The following DLG1 variants were observed in gnomAD, a reference collection of about 807,000 sequenced individuals.
DLG1 encodes disks large homolog 1.
DLG1 carries 42 observed loss-of-function variants against 123.4 expected under a neutral mutation model. The ratio of observed to expected loss-of-function variants is 0.34; its 90% confidence interval spans 0.27 to 0.44. The LOEUF is 0.44. DLG1 is among the 20% of genes least tolerant of loss of function. The probability of loss-of-function intolerance (pLI) is 1.00; values close to 1 mark genes in which losing one functional copy is unlikely to be tolerated. For missense variants in DLG1, 942 were observed against 1,082.6 expected (o/e 0.87, Z 1.82); for synonymous variants, 317 against 356.2 (o/e 0.89, Z 1.24).
intron 4 of DLG1, among the ~76,000 whole-genome samples, chr3:197,248,528 C>CAA (rs1339424600): frequency 1.3e-5 from 2 of 152,196 alleles, no homozygotes; most frequent in Non-Finnish European, 2.9e-5. Context: ...AAAGACTTCT[C>CAA]AGCAAGGCAA....
chr3:197,259,236 T>C (rs1758250305), intron 4 of DLG1, among the ~76,000 whole-genome samples: 1 of 152,162 alleles, frequency 6.6e-6, no homozygotes, highest in Admixed American at 6.5e-5. Context: ...AGTAAGAATA[T>C]TTCAACAAGA....
chr3:197,067,760 T>C (rs1487821701), intron 19 of DLG1, among the ~76,000 whole-genome samples: 2 of 152,126 alleles, frequency 1.3e-5, no homozygotes, highest in Admixed American at 6.5e-5. Context: ...TTTCTCCACG[T>C]TGGTCAGGCT....
At chr3:197,280,261 T>G (rs994947279) in intron 4 of DLG1, among the ~76,000 whole-genome samples, 10 of 152,176 alleles carry the variant, frequency 6.6e-5, no homozygotes, top group Admixed American at 3.3e-4. Context: ...TAATTTCACA[T>G]AATGACCTCC....
rs1377476912 is a variant in DLG1 at position 197,095,468 on chromosome 3, T to C, written c.1547-4442A>G. Among the ~76,000 whole-genome samples the C allele has an allele frequency of 2.0e-5, 3 of 152,278 alleles. No homozygotes were observed. In the South Asian group the frequency reaches 6.2e-4, roughly 32 times the overall value. ...ACTGTTGGAGATTACAAGTCAATTG[T>C]TTTGTAGAATCTCTCTCAATTTGGG... On this transcript the variant is annotated intron_variant, in intron 14 of 24. Transcript: ENST00000667157.
intron 11 of DLG1, among the ~76,000 whole-genome samples, chr3:197,126,067 A>G (rs894791134): frequency 6.6e-6 from 1 of 152,266 alleles, no homozygotes; most frequent in Non-Finnish European, 1.5e-5. Context: ...CCACATCTAC[A>G]GTTGCCTAAG....
intron 4 of DLG1, among the ~76,000 whole-genome samples, chr3:197,227,211 C>T (rs568322373): frequency 2.6e-5 from 4 of 152,182 alleles, no homozygotes; most frequent in Middle Eastern, 6.8e-3. Context: ...TACAAAACTG[C>T]CTGTAATCCC....
At chr3:197,229,676 TCTTA>T (rs1475891096) in intron 4 of DLG1, among the ~76,000 whole-genome samples, 1 of 152,322 alleles carries the variant, frequency 6.6e-6, no homozygotes, top group East Asian at 1.9e-4. Flanking sequence ...AAGTTTAACA[TCTTA>T]CTATTTCTCT....
chr3:197,298,309 G>C (rs1274164398), intron 1 of DLG1: 1 of 391,358 alleles, frequency 2.6e-6, no homozygotes, highest in African/African-American at 2.1e-5. Context: ...CATCCTAAGG[G>C]AACCTCTTCG....
chr3:197,169,304 C>T (rs1473366029), intron 5 of DLG1, among the ~76,000 whole-genome samples: 1 of 152,158 alleles, frequency 6.6e-6, no homozygotes, highest in African/African-American at 2.4e-5. Flanking sequence ...CATATGAACC[C>T]TGATTAATAC....
intron 19 of DLG1, 23 bp downstream of exon 19, chr3:197,069,196 A>G (rs1741837471): frequency 1.3e-6 from 2 of 1,552,552 alleles, no homozygotes; most frequent in Non-Finnish European, 1.7e-6. Context: ...ATTACAAAAG[A>G]ACAAGTAACT....
At chr3:197,186,942 A>C (rs1577742572) in intron 5 of DLG1, among the ~76,000 whole-genome samples, 2 of 151,860 alleles carry the variant, frequency 1.3e-5, no homozygotes, top group East Asian at 1.9e-4. Flanking sequence ...TCTAAAGTAC[A>C]AAAAAAACCC....
chr3:197,091,956 G>A (rs1008416461), intron 14 of DLG1, among the ~76,000 whole-genome samples: 4 of 151,824 alleles, frequency 2.6e-5, no homozygotes, highest in South Asian at 4.2e-4. Flanking sequence ...TTTGTTTTAC[G>A]GATAATAAGC....
chr3:197,183,829 T>C (rs1167138256), intron 5 of DLG1: 3 of 1,544,052 alleles, frequency 1.9e-6, no homozygotes, highest in South Asian at 1.2e-5. Context: ...CTGCAGGTGG[T>C]TGCCAAGCAG....
At position 197,141,008 on chromosome 3, in the gene DLG1, C is replaced by T. The variant is rs111958068; in HGVS notation, c.589-744G>A. On this transcript the variant is annotated intron_variant, in intron 7 of 24. Transcript: ENST00000667157. The stretch of plus-strand genomic sequence containing the variant: ...CTTCACAGAAAGGGTTCGACTGCTA[C>T]AAAAAGCCTTTAAAAATAATTGATT... Among the ~76,000 whole-genome samples the T allele has an allele frequency of 8.1e-3, 1,239 of 152,238 alleles. 12 individuals carry two copies. The highest frequency in any genetic ancestry group is 0.027 in the African/African-American group (1,130 of 41,544).
chr3:197,205,852 T>C (rs1728246319), intron 4 of DLG1, among the ~76,000 whole-genome samples: 1 of 152,198 alleles, frequency 6.6e-6, no homozygotes. Context: ...CTGGGGACTG[T>C]CTATATACAT....
intron 4 of DLG1, among the ~76,000 whole-genome samples, chr3:197,252,756 A>C (rs1299663390): frequency 6.6e-6 from 1 of 152,222 alleles, no homozygotes; most frequent in Non-Finnish European, 1.5e-5. Context: ...TCAGTTTTAC[A>C]AGATTAGAAC....
At chr3:197,145,108 G>A (rs1191304679) in intron 6 of DLG1, among the ~76,000 whole-genome samples, 1 of 151,940 alleles carries the variant, frequency 6.6e-6, no homozygotes, top group Admixed American at 6.6e-5. Context: ...CAGTTTAGGA[G>A]GAGTAACTTC....
rs1327548658 is a variant in DLG1 at position 197,127,354 on chromosome 3, C to T, written c.1165+3173G>A. Among the ~76,000 whole-genome samples, 6 of 133,888 alleles carry T rather than the reference C, an allele frequency of 4.5e-5. No homozygotes were observed. The East Asian group carries it at 8.9e-4, about 20-fold the overall frequency. The allele number at this position is 133,888 out of a possible 152,430, so 87.8% of individuals were successfully genotyped here. ...AGGAGGATCGCTTGAACCTGGGAGG[C>T]GGAGGTTGCAGTGAGCTGAGATTGC... On this transcript the variant is annotated intron_variant, in intron 11 of 24. Transcript: ENST00000667157.
chr3:197,152,776 A>AG (rs1247271573), intron 5 of DLG1, among the ~76,000 whole-genome samples: 1 of 150,802 alleles, frequency 6.6e-6, no homozygotes, highest in Non-Finnish European at 1.5e-5. Flanking sequence ...AAAAAAAAAA[A>AG]AAAAAAAAAA....
Sources: gnomAD v4.1 joint callset for allele counts (sites outside exome capture counted in the v4.1 genomes callset) on GRCh38, gnomAD v4.1.1 for gene constraint, MANE v1.5 for transcripts, NCBI Gene and HGNC (gene_info 2026-07-23, HGNC 2026-07-21) for gene names.